The following ALG12 variants were observed in gnomAD, a reference collection of about 807,000 sequenced individuals.
ALG12 encodes dol-P-Man:Man(7)GlcNAc(2)-PP-Dol alpha-1,6-mannosyltransferase.
Under a neutral mutation model 46.0 loss-of-function variants are expected in ALG12, and 36 were observed. The observed-to-expected ratio is 0.78, with a 90% CI of 0.60 to 1.03. The LOEUF is 1.03. Among genes scored for constraint, ALG12 ranks in the 50% least tolerant of loss-of-function variants. The pLI is 0.00. For missense variants in ALG12, 599 were observed against 633.5 expected (o/e 0.95, Z 0.58); for synonymous variants, 326 against 291.6 (o/e 1.12, Z -1.20).
chr22:49,875,387 T>C, the ALG12 span, among the ~76,000 whole-genome samples: 1 of 151,956 alleles, frequency 6.6e-6, no homozygotes, highest in African/African-American at 2.4e-5. Context: ...AAGTAATTTG[T>C]CCATTTCATC....
chr22:49,916,800 A>C (rs1277452467), intron 1 of ALG12, among the ~76,000 whole-genome samples: 1 of 152,244 alleles, frequency 6.6e-6, no homozygotes, highest in Non-Finnish European at 1.5e-5. Context: ...AAAATAAAAA[A>C]TAAAACGGAA....
the ALG12 span, among the ~76,000 whole-genome samples, chr22:49,870,962 A>T: frequency 1.6e-5 from 2 of 122,342 alleles, no homozygotes; most frequent in African/African-American, 3.7e-5. Flanking sequence ...TTTTTTTGAG[A>T]TGGAGTCTCA....
Position 49,907,716 on chromosome 22 carries a change from C to T in ALG12, c.992+5G>A. 6.2e-7 allele frequency: 1 copy of T among 1,613,680 alleles called. No homozygotes were observed. The highest frequency in any genetic ancestry group is 8.5e-7 in the Non-Finnish European group (1 of 1,179,844). ...AAAAATGCATGTCACAAAAAGAGCA[C>T]TCACAGGTAGGAGCAGCCTCTGGCA... On this transcript the variant is annotated splice_donor_5th_base_variant and intron_variant, in intron 7 of 9. Coordinates refer to ENST00000330817, the MANE Select transcript of ALG12 (RefSeq NM_024105.4).
At chr22:49,877,665 T>TATATCC in the ALG12 span, among the ~76,000 whole-genome samples, 1 of 152,180 alleles carries the variant, frequency 6.6e-6, no homozygotes, top group African/African-American at 2.4e-5. Flanking sequence ...CTGATAAATA[T>TATATCC]ATATCCATAT....
At chr22:49,886,713 T>C in the ALG12 span, 1 of 1,613,396 alleles carries the variant, frequency 6.2e-7, no homozygotes, top group South Asian at 1.1e-5. This position sits in a 1 kb window ranked among gnomAD's most constrained non-coding sequence, Gnocchi z 7.7. Context: ...CCTCCCTGTT[T>C]ACGGAGGAGG....
the ALG12 span, among the ~76,000 whole-genome samples, chr22:49,865,708 TTG>T: frequency 5.9e-5 from 9 of 151,874 alleles, no homozygotes; most frequent in Non-Finnish European, 1.0e-4. Flanking sequence ...CATGTTTCTG[TTG>T]TGTTTTGGTT....
chr22:49,879,484 A>T, the ALG12 span, among the ~76,000 whole-genome samples: 3 of 151,642 alleles, frequency 2.0e-5, no homozygotes, highest in African/African-American at 7.2e-5. Flanking sequence ...GGCACACACC[A>T]CTATATCCGC....
chr22:49,915,234 G>A (rs540430144), intron 1 of ALG12, among the ~76,000 whole-genome samples: 6 of 152,334 alleles, frequency 3.9e-5, no homozygotes, highest in Admixed American at 6.5e-5. Context: ...GGGGCCGGGC[G>A]CGGTCGCTCA....
At chr22:49,879,623 C>T in the ALG12 span, among the ~76,000 whole-genome samples, 1 of 134,812 alleles carries the variant, frequency 7.4e-6, no homozygotes, top group Non-Finnish European at 1.6e-5. Flanking sequence ...TGGTTTTTCT[C>T]CTGGTCAGTG....
chr22:49,887,284 A>G, the ALG12 span: 4 of 1,205,662 alleles, frequency 3.3e-6, no homozygotes, highest in Non-Finnish European at 3.5e-6. Flanking sequence ...ACATCAGACC[A>G]GGCACTCTCA....
the ALG12 span, among the ~76,000 whole-genome samples, chr22:49,870,523 C>T: frequency 4.6e-5 from 7 of 152,172 alleles, no homozygotes; most frequent in Non-Finnish European, 7.4e-5. Context: ...GCCATTGTGA[C>T]GGGTGTGAGA....
chr22:49,917,505 T>C (rs867004666), intron 1 of ALG12, among the ~76,000 whole-genome samples: 1 of 152,256 alleles, frequency 6.6e-6, no homozygotes, highest in Middle Eastern at 3.4e-3. Context: ...ACCCCGTCTC[T>C]ACTAAAAATA....
At chr22:49,888,283 CTGAG>C in the ALG12 span, 3 of 166,968 alleles carry the variant, frequency 1.8e-5, no homozygotes, top group East Asian at 1.9e-4. Flanking sequence ...ATTAAATATT[CTGAG>C]TGAGACTAAT....
the ALG12 span, among the ~76,000 whole-genome samples, chr22:49,862,719 T>TTTA: frequency 2.9e-5 from 3 of 105,054 alleles, no homozygotes; most frequent in African/African-American, 5.6e-5. Context: ...TTTTTTTTTT[T>TTTA]AGACTTAAGT....
chr22:49,904,644 G>A (rs1220255252), intron 7 of ALG12, 138 bp from the exon 8 acceptor site: 2 of 995,986 alleles, frequency 2.0e-6, no homozygotes, highest in Non-Finnish European at 3.1e-6. Flanking sequence ...AAATAAAACA[G>A]AGTCAGTAAC....
At chr22:49,896,537 C>T (rs1697346794), downstream of ALG12, among the ~76,000 whole-genome samples, 1 of 152,258 alleles carries the variant, frequency 6.6e-6, no homozygotes, top group Non-Finnish European at 1.5e-5. Context: ...GTCTCTCTGC[C>T]ACAGCACCCT....
intron 1 of ALG12, 120 bp downstream of exon 1, chr22:49,918,143 G>A (rs1455242691): frequency 1.3e-5 from 2 of 152,516 alleles, no homozygotes; most frequent in African/African-American, 2.4e-5. Flanking sequence ...GCGTGGACAT[G>A]CGCGGTGAGG....
the ALG12 span, among the ~76,000 whole-genome samples, chr22:49,880,452 G>A: frequency 6.6e-6 from 1 of 152,180 alleles, no homozygotes; most frequent in Non-Finnish European, 1.5e-5. Context: ...CCGACTCCCC[G>A]CCCCGCAGCC....
downstream of ALG12, among the ~76,000 whole-genome samples, chr22:49,896,091 T>C (rs1001681343): frequency 2.0e-5 from 3 of 152,194 alleles, no homozygotes; most frequent in Non-Finnish European, 4.4e-5. Flanking sequence ...TCAGTGACTG[T>C]TGCTGCACCT....
Sources: gnomAD v4.1 joint callset for allele counts (sites outside exome capture counted in the v4.1 genomes callset) on GRCh38, gnomAD v4.1.1 for gene constraint, Gnocchi (gnomAD v3.1) non-coding constraint, MANE v1.5 for transcripts, NCBI Gene and HGNC (gene_info 2026-07-23, HGNC 2026-07-21) for gene names.